Variants in DIS3L2 observed in about 807,000 individuals in gnomAD.
The protein encoded by DIS3L2 is DIS3 like 3'-5' exoribonuclease 2, also known as DIS3-like exonuclease 2.
A neutral mutation model predicts 97.5 loss-of-function variants in DIS3L2; 34 were observed. That is an observed-to-expected ratio of 0.35 (90% CI 0.27 to 0.46). DIS3L2 has a LOEUF of 0.46. Among genes scored for constraint, DIS3L2 ranks in the 20% least tolerant of loss-of-function variants. The pLI, the probability that DIS3L2 is intolerant of heterozygous loss-of-function variation, is 1.00. For missense variants in DIS3L2, 1,038 were observed against 1,146.0 expected (o/e 0.91, Z 1.36); for synonymous variants, 435 against 445.2 (o/e 0.98, Z 0.29).
At chr2:232,194,082 C>T (rs933987736) in intron 9 of DIS3L2, among the ~76,000 whole-genome samples, 10 of 151,784 alleles carry the variant, frequency 6.6e-5, no homozygotes, top group African/African-American at 2.4e-4. Flanking sequence ...TGAACTCCAG[C>T]CTGGGTGACA....
chr2:232,266,814 TAAA>T (rs1693867643), intron 13 of DIS3L2, among the ~76,000 whole-genome samples: 3 of 152,104 alleles, frequency 2.0e-5, no homozygotes, highest in Non-Finnish European at 2.9e-5. Flanking sequence ...CTTTAAAAAA[TAAA>T]AAATAAAGTC....
intron 8 of DIS3L2, among the ~76,000 whole-genome samples, chr2:232,161,779 ATT>A (rs34447522): frequency 2.8e-5 from 4 of 144,998 alleles, no homozygotes; most frequent in Non-Finnish European, 6.1e-5. Context: ...CCCCAGTTCA[ATT>A]TTTTTTTTTT....
chr2:232,277,355 G>A (rs1574988726), intron 13 of DIS3L2, among the ~76,000 whole-genome samples: 1 of 152,202 alleles, frequency 6.6e-6, no homozygotes, highest in African/African-American at 2.4e-5. Flanking sequence ...CGTTGGTGCA[G>A]CTGGAATGTT....
chr2:232,079,264 GATAT>G (rs1696311539), intron 5 of DIS3L2, among the ~76,000 whole-genome samples: 1 of 152,096 alleles, frequency 6.6e-6, no homozygotes, highest in African/African-American at 2.4e-5. Flanking sequence ...TAAATAAGGA[GATAT>G]ATACTTTCAG....
At chr2:231,994,490 A>G (rs1693674487) in intron 1 of DIS3L2, among the ~76,000 whole-genome samples, 3 of 152,114 alleles carry the variant, frequency 2.0e-5, no homozygotes. Context: ...TTACTATGTC[A>G]TGGTCTACTA....
chr2:232,284,959 A>C (rs558943337), intron 13 of DIS3L2, among the ~76,000 whole-genome samples: 62 of 152,304 alleles, frequency 4.1e-4, no homozygotes, highest in African/African-American at 1.4e-3. Flanking sequence ...AAGGAGACTT[A>C]GACAGGAGCC....
chr2:232,009,069 A>C (rs531524445), intron 1 of DIS3L2, among the ~76,000 whole-genome samples: 1 of 151,434 alleles, frequency 6.6e-6, no homozygotes, highest in Non-Finnish European at 1.5e-5. Context: ...CTTTTTTATA[A>C]TTTCTCTTTG....
chr2:232,249,458 G>T (rs1214662366), intron 12 of DIS3L2, 112 bp downstream of exon 12: 2 of 1,119,110 alleles, frequency 1.8e-6, no homozygotes, highest in African/African-American at 1.5e-5. Flanking sequence ...TAAGACAAGG[G>T]AGGTATGGAG....
At chr2:232,254,340 C>T (rs1162161575) in intron 12 of DIS3L2, among the ~76,000 whole-genome samples, 1 of 150,358 alleles carries the variant, frequency 6.7e-6, no homozygotes, top group African/African-American at 2.5e-5. Context: ...GACAGTATGC[C>T]AGCAATCATA....
chr2:232,264,656 T>C (rs994518578), intron 13 of DIS3L2, among the ~76,000 whole-genome samples: 3 of 152,256 alleles, frequency 2.0e-5, no homozygotes, highest in Non-Finnish European at 4.4e-5. Context: ...GACCGCCTCA[T>C]GCAGACTTCT....
At chr2:232,026,537 CATTGAGGGG>C in intron 4 of DIS3L2, among the ~76,000 whole-genome samples, 1 of 151,960 alleles carries the variant, frequency 6.6e-6, no homozygotes, top group African/African-American at 2.4e-5. Context: ...GAGGCACCCC[CATTGAGGGG>C]GTGCCTCCGG....
In DIS3L2 at chr2:232,333,744, A is replaced by G. The variant is rs533465831; in HGVS notation, c.2011-96A>G. On this transcript the variant is annotated intron_variant, in intron 16 of 20. Transcript: ENST00000325385. Reference sequence around the variant, plus strand: ...AGCAGCCCATTAGGTCTGTCCACACATCGCTGCCGACGGTGAGGCTGTGGG... The same window carrying G: ...AGCAGCCCATTAGGTCTGTCCACACGTCGCTGCCGACGGTGAGGCTGTGGG... 7.4e-4 allele frequency: 1,087 copies of G among 1,478,516 alleles called. 10 individuals carry two copies. The highest frequency in any genetic ancestry group is 7.0e-5 in the Non-Finnish European group (78 of 1,114,016). The allele number at this position is 1,478,516 out of a possible 1,614,324, so 91.6% of individuals were successfully genotyped here.
chr2:232,083,728 C>A (rs1035394473), intron 5 of DIS3L2, among the ~76,000 whole-genome samples: 1 of 152,262 alleles, frequency 6.6e-6, no homozygotes, highest in South Asian at 2.1e-4. Context: ...CTCCTGACTG[C>A]AAGTGATCTG....
At position 232,336,540 on chromosome 2, in the gene DIS3L2, C is replaced by A; in HGVS notation, c.2568C>A (p.Ile856=). Residue 856 remains isoleucine (I), a synonymous_variant, in exon 21 of 21, where the codon ATC becomes ATA. Transcript: ENST00000325385. ...CCACAGCCCTCAAGTACAGCGCCAT[C>A]CTGAAGCGGCCAGGCACCCAGGGCC... is the stretch of plus-strand genomic sequence containing the variant. ...AESTALKYSA[I]LKRPGTQGHL... is the part of the protein sequence containing the mutation. 1 of 1,610,278 alleles carries A rather than the reference C, an allele frequency of 6.2e-7. No homozygotes were observed. Among genetic ancestry groups the A allele is most frequent in the Non-Finnish European group, 8.5e-7 (1 of 1,179,952 alleles).
chr2:231,983,512 C>G (rs1034865018), intron 1 of DIS3L2, among the ~76,000 whole-genome samples: 3 of 152,124 alleles, frequency 2.0e-5, no homozygotes, highest in African/African-American at 7.2e-5. Flanking sequence ...TCAGTGGTGG[C>G]ATTAGATTCT....
chr2:232,192,871 G>C (rs1691652580), intron 9 of DIS3L2, among the ~76,000 whole-genome samples: 1 of 152,180 alleles, frequency 6.6e-6, no homozygotes, highest in Non-Finnish European at 1.5e-5. Context: ...GTGTCTCCCA[G>C]AATCCAAGGG....
intron 8 of DIS3L2, among the ~76,000 whole-genome samples, chr2:232,146,686 G>C (rs1031723077): frequency 1.3e-5 from 2 of 152,154 alleles, no homozygotes; most frequent in South Asian, 2.1e-4. Flanking sequence ...GAATTTATTA[G>C]AATAATTAGT....
chr2:232,324,472 C>G (rs1312022981), intron 14 of DIS3L2, among the ~76,000 whole-genome samples: 5 of 152,048 alleles, frequency 3.3e-5, no homozygotes, highest in Admixed American at 2.6e-4. Flanking sequence ...TGAAAATGGA[C>G]TAATTTTCAG....
At chr2:232,047,349 C>T (rs1207596875) in intron 5 of DIS3L2, among the ~76,000 whole-genome samples, 1 of 152,002 alleles carries the variant, frequency 6.6e-6, no homozygotes, top group Non-Finnish European at 1.5e-5. Context: ...TAAAGAACTA[C>T]AAGAGGAAAA....
Sources: allele counts gnomAD v4.1 joint callset (sites outside exome capture counted in the v4.1 genomes callset), GRCh38; gene constraint gnomAD v4.1.1; transcripts MANE v1.5; gene names NCBI Gene and HGNC (gene_info 2026-07-23, HGNC 2026-07-21).